Variants in MEP1A observed in about 807,000 individuals in gnomAD.
MEP1A encodes the protein meprin A subunit alpha.
MEP1A carries 68 observed loss-of-function variants against 84.5 expected under a neutral mutation model. That is an observed-to-expected ratio of 0.80 (90% confidence interval 0.66 to 0.98). The LOEUF is 0.98. Ranked by LOEUF, MEP1A falls within the 50% of genes least tolerant of loss-of-function variation. The pLI is 0.00. For synonymous variants in MEP1A, 337 were observed against 336.8 expected, an observed-to-expected ratio of 1.00 and a Z score of -0.01; for missense variants, 887 against 919.9, an observed-to-expected ratio of 0.96 and a Z score of 0.46.
intron 3 of MEP1A, 88 bp downstream of exon 3, chr6:46,793,804 A>G (rs534887435): frequency 3.5e-5 from 32 of 920,074 alleles, no homozygotes; most frequent in African/African-American, 3.2e-4. Flanking sequence ...CTAATACTGT[A>G]TTGTGATTCT....
intron 7 of MEP1A, among the ~76,000 whole-genome samples, chr6:46,821,956 T>C (rs1390156583): frequency 6.6e-6 from 1 of 152,216 alleles, no homozygotes; most frequent in Non-Finnish European, 1.5e-5. Context: ...GTTTTATTGA[T>C]TTAACTTTGG....
At chr6:46,825,182 T>A in intron 7 of MEP1A, 90 bp from the exon 8 acceptor site, 1 of 527,706 alleles carries the variant, frequency 1.9e-6, no homozygotes, top group Non-Finnish European at 3.2e-6. Context: ...ACTATTTCCC[T>A]TTTTTGGAGG....
chr6:46,822,440 T>C (rs914495477), intron 7 of MEP1A, among the ~76,000 whole-genome samples: 16 of 152,186 alleles, frequency 1.1e-4, no homozygotes, highest in South Asian at 1.0e-3. Context: ...AACAAAAACA[T>C]GTTGAATACA....
At position 46,825,409 on chromosome 6, in the gene MEP1A, A is replaced by G. The variant is rs1562114340; in HGVS notation, c.694A>G (p.Ile232Val). The G allele has an allele frequency of 6.2e-7, 1 of 1,613,894 alleles. No individual in the cohort carries two copies. Among genetic ancestry groups the G allele is most frequent in the East Asian group, 2.2e-5 (1 of 44,858 alleles). ...NASVPTITAKIPEFNSIIGQR... is the reference protein window; with the variant it reads ...NASVPTITAKVPEFNSIIGQR... ...AAGTGTTCCCACCATCACAGCCAAG[A>G]TCCCTGAGTTTAACTCCATTATCGG... Residue 232 changes from isoleucine to valine, a missense_variant, in exon 8 of 14, where the codon ATC becomes GTC. Physicochemically the swap from Ile to Val is conservative, Grantham distance 29. Transcript: ENST00000230588.
At chr6:46,825,017 T>TTA (rs1329190595) in intron 7 of MEP1A, among the ~76,000 whole-genome samples, 9 of 86,796 alleles carry the variant, frequency 1.0e-4, no homozygotes, top group African/African-American at 2.0e-4. Context: ...TATATATAAA[T>TTA]TATATATTTA....
intron 2 of MEP1A, 28 bp downstream of exon 2, chr6:46,793,604 G>A (rs760923482): frequency 1.3e-6 from 2 of 1,566,338 alleles, no homozygotes; most frequent in South Asian, 1.2e-5. Context: ...TGCACAGAGA[G>A]TGTTTTTGAA....
At chr6:46,794,596 T>A (rs1237499992) in intron 3 of MEP1A, among the ~76,000 whole-genome samples, 1 of 152,154 alleles carries the variant, frequency 6.6e-6, no homozygotes, top group East Asian at 1.9e-4. Context: ...TAAGGGTCAA[T>A]TTTTCTGGCT....
At chr6:46,810,901 T>C (rs1375937552) in intron 6 of MEP1A, among the ~76,000 whole-genome samples, 1 of 152,162 alleles carries the variant, frequency 6.6e-6, no homozygotes, top group Non-Finnish European at 1.5e-5. Flanking sequence ...TTGGGTAACG[T>C]GATGACTCCA....
chr6:46,827,567 G>A (rs1368280665), intron 9 of MEP1A, among the ~76,000 whole-genome samples: 2 of 152,176 alleles, frequency 1.3e-5, no homozygotes, highest in African/African-American at 4.8e-5. Flanking sequence ...GAGAGTTGGT[G>A]AGATTCCCTT....
At chr6:46,815,489 C>A (rs988290479) in intron 6 of MEP1A, among the ~76,000 whole-genome samples, 2 of 152,152 alleles carry the variant, frequency 1.3e-5, no homozygotes, top group Admixed American at 1.3e-4. Context: ...GTCTGGTGAC[C>A]AAGGTTGAGA....
At chr6:46,829,984 G>A (rs1421756944) in intron 10 of MEP1A, among the ~76,000 whole-genome samples, 4 of 152,024 alleles carry the variant, frequency 2.6e-5, no homozygotes, top group Admixed American at 6.6e-5. Flanking sequence ...ACCAGCTCAC[G>A]CCTGGAATCC....
chr6:46,833,423 G>A lies in MEP1A; in HGVS notation c.1494G>A (p.Glu498=). Residue 498 remains glutamate, a synonymous_variant, in exon 11 of 14, where the codon GAG becomes GAA. Transcript: ENST00000230588. ...GTGGGGAGAACGATGCTATCCTGGAGTGGCCGGTAGAAAACAGACAGGTGA... is the reference window on the plus strand; with the variant it reads ...GTGGGGAGAACGATGCTATCCTGGAATGGCCGGTAGAAAACAGACAGGTGA... ...VCSGENDAIL[E]WPVENRQVII... 1.2e-6 allele frequency: 2 copies of A among 1,614,180 alleles called. No homozygotes were observed. Among genetic ancestry groups the A allele is most frequent in the Non-Finnish European group, 1.7e-6 (2 of 1,180,020 alleles).
intron 7 of MEP1A, 21 bp downstream of exon 7, chr6:46,819,725 C>A: frequency 6.2e-7 from 1 of 1,608,378 alleles, no homozygotes; most frequent in Non-Finnish European, 8.5e-7. Flanking sequence ...GCGGAGATTG[C>A]TATCACATTT....
chr6:46,800,358 T>A (rs1165891670), intron 5 of MEP1A, among the ~76,000 whole-genome samples: 1 of 152,186 alleles, frequency 6.6e-6, no homozygotes, highest in African/African-American at 2.4e-5. Flanking sequence ...ATGAGGATCC[T>A]GTTAACCTAC....
At chr6:46,808,479 T>C (rs1767415393) in intron 5 of MEP1A, among the ~76,000 whole-genome samples, 1 of 152,150 alleles carries the variant, frequency 6.6e-6, no homozygotes, top group African/African-American at 2.4e-5. Flanking sequence ...AAATCAAATG[T>C]GCAAGAAATG....
chr6:46,795,835 G>C (rs528161471), intron 3 of MEP1A, among the ~76,000 whole-genome samples: 4 of 152,084 alleles, frequency 2.6e-5, no homozygotes, highest in Admixed American at 2.6e-4. Flanking sequence ...TCAACATAAA[G>C]TAAAGGCCCT....
Position 46,829,409 on chromosome 6 carries a change from G to A in MEP1A, c.982G>A (p.Ala328Thr). 1 of 1,614,132 alleles carries A rather than the reference G, an allele frequency of 6.2e-7. No homozygotes were observed. Among genetic ancestry groups the A allele is most frequent in the South Asian group, 1.1e-5 (1 of 91,072 alleles). Residue 328 changes from alanine (A) to threonine (T), a missense_variant, in exon 10 of 14, where the codon GCC (alanine) becomes ACC (threonine). Physicochemically the swap from Ala to Thr is moderately conservative, Grantham distance 58. Coordinates refer to ENST00000230588, the MANE Select transcript of MEP1A (RefSeq NM_005588.3). ...STSSGSAEEA[A>T]LLESRILYPK... ...CAGCTCGGGGTCCGCGGAAGAGGCA[G>A]CCCTACTGGAGTCTCGGATTCTTTA...
rs1272583164 is a variant in MEP1A at position 46,793,641 on chromosome 6, T to A, written c.95-25T>A. 1.9e-6 allele frequency: 3 copies of A among 1,592,928 alleles called. No individual in the cohort carries two copies. The East Asian group carries it at 6.7e-5, about 36-fold the overall frequency. On this transcript the variant is annotated intron_variant, in intron 2 of 13. Transcript: ENST00000230588. ...TTTTTTCCTTCGGCAAGACTAATAA[T>A]AATTTTTTTTCTCACTTTTAACAGT...
rs1393410375 is a variant in MEP1A at position 46,809,328 on chromosome 6, A to C, written c.263-92A>C. 7.6e-6 allele frequency: 6 copies of C among 784,430 alleles called. No homozygotes were observed. In the African/African-American group the frequency reaches 1.1e-4, roughly 14 times the overall value. 48.6% of individuals were successfully genotyped at this position (784,430 alleles called of 1,614,324 possible). A position where few individuals can be genotyped will look rare whatever the true frequency, so the allele number is the denominator to read the frequency against. On this transcript the variant is annotated intron_variant, in intron 5 of 13. Transcript: ENST00000230588. The stretch of plus-strand genomic sequence containing the variant: ...CCCTATCATGCACCTCTGTGGATTT[A>C]ATGTGGCAGCATGGTTTTCTCTAAA...
Sources: allele counts gnomAD v4.1 joint callset (sites outside exome capture counted in the v4.1 genomes callset), GRCh38; gene constraint gnomAD v4.1.1; transcripts MANE v1.5; gene names NCBI Gene and HGNC (gene_info 2026-07-23, HGNC 2026-07-21).